The following PARPBP variants were observed in gnomAD, a reference collection of about 807,000 sequenced individuals.
The protein encoded by PARPBP is PARP1 binding protein, also known as PCNA-interacting partner.
Under a neutral mutation model 50.0 loss-of-function variants are expected in PARPBP, and 52 were observed. The ratio of observed to expected loss-of-function variants is 1.04; its 90% confidence interval spans 0.83 to 1.31. The LOEUF is 1.31. Ranked by LOEUF, PARPBP falls within the 50% of genes most tolerant of loss-of-function variation. The pLI is 0.00. For missense variants in PARPBP, 697 were observed against 672.0 expected, an observed-to-expected ratio of 1.04 and a Z score of -0.41; for synonymous variants, 244 against 232.1, an observed-to-expected ratio of 1.05 and a Z score of -0.47.
At chr12:102,194,230 T>A (rs1254491429) in intron 9 of PARPBP, among the ~76,000 whole-genome samples, 1 of 152,032 alleles carries the variant, frequency 6.6e-6, no homozygotes, top group Non-Finnish European at 1.5e-5. Context: ...AAAGTCATGC[T>A]GTTTTAGATT....
intron 2 of PARPBP, among the ~76,000 whole-genome samples, chr12:102,142,097 A>G (rs144556549): frequency 0.22 from 32,778 of 152,010 alleles, 3,619 homozygotes; most frequent in African/African-American, 0.27. Context: ...ACTTGGTTCC[A>G]TTCTCCCCGT....
chr12:102,147,836 A>G (rs1276535084), intron 2 of PARPBP, among the ~76,000 whole-genome samples: 1 of 152,178 alleles, frequency 6.6e-6, no homozygotes, highest in Admixed American at 6.5e-5. Flanking sequence ...TTAAAAATAG[A>G]TTCGCCAAAA....
At chr12:102,155,829 C>A (rs997284353) in intron 4 of PARPBP, among the ~76,000 whole-genome samples, 1 of 152,188 alleles carries the variant, frequency 6.6e-6, no homozygotes, top group South Asian at 2.1e-4. Flanking sequence ...GTAGGATGTC[C>A]GCTGTGCTCC....
intron 1 of PARPBP, among the ~76,000 whole-genome samples, chr12:102,121,899 G>A (rs1201141987): frequency 6.6e-6 from 1 of 152,126 alleles, no homozygotes; most frequent in Non-Finnish European, 1.5e-5. Context: ...AATAGCTAAT[G>A]TGCTTTTATA....
At chr12:102,134,905 T>A (rs953823068) in intron 2 of PARPBP, among the ~76,000 whole-genome samples, 2 of 152,206 alleles carry the variant, frequency 1.3e-5, no homozygotes, top group Non-Finnish European at 2.9e-5. Flanking sequence ...CTTGAACTCC[T>A]GGGCCCAAGG....
chr12:102,196,965 C>G lies in PARPBP; in HGVS notation c.*674C>G, dbSNP rs1252838750. On this transcript the variant is annotated 3_prime_UTR_variant, in exon 11 of 11. Coordinates refer to ENST00000327680, the MANE Select transcript of PARPBP (RefSeq NM_017915.5). Reference sequence around the variant, plus strand: ...ATGTAAGAATTGAATTTTGAAAAGACTACTCACTGTCAAAATCTCTCCTTC... The same window carrying G: ...ATGTAAGAATTGAATTTTGAAAAGAGTACTCACTGTCAAAATCTCTCCTTC... 23 of 1,600,430 alleles carry G rather than the reference C, an allele frequency of 1.4e-5. No individual in the cohort carries two copies. The highest frequency in any genetic ancestry group is 1.8e-5 in the Non-Finnish European group (21 of 1,168,782).
At position 102,178,702 on chromosome 12, in the gene PARPBP, AG is replaced by A. The variant is rs767577472; in HGVS notation, c.1117del (p.Ala373GlnfsTer28). On this transcript the variant is annotated frameshift_variant, in exon 8 of 11. Transcript: ENST00000327680. LOFTEE classifies it high-confidence loss of function. The stretch of plus-strand genomic sequence containing the variant: ...CAGCTAATGCTCCTACCAAAAACAA[AG>A]CAGAGCTTTTATATGATGAGGAAAA... ...EAANAPTKNK[A>X]ELLYDEENTI... The A allele has an allele frequency of 1.9e-6, 3 of 1,613,736 alleles. 1 individual carries two copies. The South Asian group carries it at 3.3e-5, about 18-fold the overall frequency.
chr12:102,140,502 T>G (rs1206379391), intron 2 of PARPBP, among the ~76,000 whole-genome samples: 5 of 152,234 alleles, frequency 3.3e-5, no homozygotes, highest in Non-Finnish European at 7.3e-5. Context: ...GCTCTGATCT[T>G]AGCTATTTCT....
At chr12:102,187,150 G>T (rs1373175088) in intron 9 of PARPBP, among the ~76,000 whole-genome samples, 1 of 152,114 alleles carries the variant, frequency 6.6e-6, no homozygotes, top group Non-Finnish European at 1.5e-5. Flanking sequence ...CATCAACTAA[G>T]AAAGAATAAT....
intron 7 of PARPBP, 31 bp from the exon 8 acceptor site, chr12:102,178,561 T>C (rs370776225): frequency 4.0e-6 from 6 of 1,489,112 alleles, no homozygotes; most frequent in Non-Finnish European, 5.5e-6. Context: ...GGGTGATTAT[T>C]ACATTTACCT....
intron 4 of PARPBP, chr12:102,154,706 A>T: frequency 2.7e-6 from 1 of 374,820 alleles, no homozygotes; most frequent in Non-Finnish European, 5.2e-6. Context: ...GGAAATAAAA[A>T]TATTTTACCC....
Position 102,196,072 on chromosome 12 carries a change from C to G in PARPBP, c.1521C>G (p.Ser507Arg), listed in dbSNP as rs750654313. The G allele has an allele frequency of 6.2e-7, 1 of 1,611,660 alleles. No homozygotes were observed. Among genetic ancestry groups the G allele is most frequent in the Admixed American group, 1.7e-5 (1 of 59,746 alleles). Residue 507 changes from serine to arginine, a missense_variant, in exon 11 of 11, where the codon AGC (serine) becomes AGG (arginine). Ser to Arg is a moderately radical substitution (Grantham distance 110). Transcript: ENST00000327680. ...RKSTSQTGNK[S>R]SKRKQVDLDG... ...CAACCAGTCAGACAGGAAATAAAAG[C>G]TCAAAAAGGAAACAGGTGGATTTGG...
intron 2 of PARPBP, among the ~76,000 whole-genome samples, chr12:102,138,527 A>G (rs955806304): frequency 2.9e-4 from 44 of 152,136 alleles, no homozygotes; most frequent in Non-Finnish European, 5.1e-4. Context: ...CCATTTATCA[A>G]TTTTGGCTGG....
At chr12:102,134,927 C>T (rs1883398261) in intron 2 of PARPBP, among the ~76,000 whole-genome samples, 1 of 152,176 alleles carries the variant, frequency 6.6e-6, no homozygotes, top group South Asian at 2.1e-4. Flanking sequence ...ATCTGCCTGC[C>T]TCGGTCTCCC....
intron 2 of PARPBP, among the ~76,000 whole-genome samples, chr12:102,125,155 G>A (rs1218880694): frequency 6.6e-6 from 1 of 152,064 alleles, no homozygotes; most frequent in African/African-American, 2.4e-5. Flanking sequence ...CAAATATTGA[G>A]TTTTTACTGT....
intron 8 of PARPBP, 25 bp downstream of exon 8, chr12:102,178,795 G>T: frequency 7.1e-7 from 1 of 1,413,282 alleles, no homozygotes; most frequent in Non-Finnish European, 9.6e-7. Context: ...AGTTATATGT[G>T]TTATAAATGT....
chr12:102,190,945 C>T (rs1890739564), intron 9 of PARPBP, among the ~76,000 whole-genome samples: 2 of 152,176 alleles, frequency 1.3e-5, no homozygotes, highest in African/African-American at 4.8e-5. Context: ...GGTTGACATT[C>T]AGCAAAGTCT....
At position 102,175,652 on chromosome 12, in the gene PARPBP, A is replaced by T. The variant is rs1185287711; in HGVS notation, c.991A>T (p.Ile331Phe). 9 of 1,609,952 alleles carry T rather than the reference A, an allele frequency of 5.6e-6. No individual in the cohort carries two copies. Among genetic ancestry groups the T allele is most frequent in the Non-Finnish European group, 6.8e-6 (8 of 1,176,810 alleles). ...EGVVALSTTD[I>F]SPARPKSHAI... ...TGTTGTAGCTCTTAGCACCACTGAC[A>T]TCAGTCCTGCTCGGGTAATGAGCTT... The change falls in exon 7 of 11, where the codon ATC (isoleucine) becomes TTC (phenylalanine). Residue 331 changes from isoleucine to phenylalanine, a missense_variant. Physicochemically the swap from Ile to Phe is conservative, Grantham distance 21. Coordinates refer to ENST00000327680, the MANE Select transcript of PARPBP (RefSeq NM_017915.5).
At chr12:102,120,454 G>T (rs984881246) in intron 1 of PARPBP, 168 bp downstream of exon 1, 2 of 456,516 alleles carry the variant, frequency 4.4e-6, no homozygotes, top group South Asian at 1.5e-5. Context: ...GGGCCTGGGG[G>T]CTGTAGGCGG....
Sources: allele counts gnomAD v4.1 joint callset (sites outside exome capture counted in the v4.1 genomes callset), GRCh38; gene constraint gnomAD v4.1.1; transcripts MANE v1.5; gene names NCBI Gene and HGNC (gene_info 2026-07-23, HGNC 2026-07-21).